CDH13: variants seen among roughly 807,000 people sequenced by gnomAD.
CDH13 encodes the protein cadherin 13.
A neutral mutation model predicts 63.8 loss-of-function variants in CDH13; 24 were observed. The ratio of observed to expected loss-of-function variants is 0.38; its 90% confidence interval spans 0.27 to 0.53. CDH13 has a LOEUF of 0.53. Ranked by LOEUF, CDH13 falls within the 20% of genes least tolerant of loss-of-function variation. CDH13 has a pLI of 0.85. For missense variants in CDH13, 1,049 were observed against 903.1 expected, an observed-to-expected ratio of 1.16 and a Z score of -2.07; for synonymous variants, 503 against 355.3, an observed-to-expected ratio of 1.42 and a Z score of -4.67.
intron 4 of CDH13, among the ~76,000 whole-genome samples, chr16:83,189,113 T>A (rs2038617031): frequency 6.6e-6 from 1 of 152,182 alleles, no homozygotes; most frequent in Admixed American, 6.5e-5. Context: ...ACAAAGTACA[T>A]TGATTTTTTG....
At chr16:82,741,054 T>C (rs1328718570) in intron 1 of CDH13, among the ~76,000 whole-genome samples, 2 of 152,144 alleles carry the variant, frequency 1.3e-5, no homozygotes, top group South Asian at 2.1e-4. Context: ...GTATACATAC[T>C]CTCTCACTCT....
At chr16:83,548,721 G>A (rs12448907) in intron 7 of CDH13, among the ~76,000 whole-genome samples, 16,663 of 151,894 alleles carry the variant, frequency 0.11, 1,440 homozygotes, top group African/African-American at 0.25. Context: ...CCCCCACAAG[G>A]CAGCCTTTTT....
At chr16:83,341,353 T>C (rs369941688) in intron 5 of CDH13, among the ~76,000 whole-genome samples, 1 of 152,230 alleles carries the variant, frequency 6.6e-6, no homozygotes, top group African/African-American at 2.4e-5. Flanking sequence ...AAGTTTGGCA[T>C]TTGCTAACTG....
intron 1 of CDH13, among the ~76,000 whole-genome samples, chr16:82,845,475 T>C (rs2039216979): frequency 6.6e-6 from 1 of 152,180 alleles, no homozygotes; most frequent in Non-Finnish European, 1.5e-5. Context: ...AGATCAGAGG[T>C]TGGCTGAGGT....
At chr16:83,060,840 C>G (rs1056623023) in intron 3 of CDH13, among the ~76,000 whole-genome samples, 1 of 152,172 alleles carries the variant, frequency 6.6e-6, no homozygotes, top group Admixed American at 6.5e-5. Context: ...TGTTGCCTTC[C>G]ACTGCCTTCC....
At chr16:83,538,298 C>G (rs1193484349) in intron 7 of CDH13, among the ~76,000 whole-genome samples, 1 of 152,156 alleles carries the variant, frequency 6.6e-6, no homozygotes, top group Non-Finnish European at 1.5e-5. Flanking sequence ...TTTTGGTTTA[C>G]ACCGTTTCCC....
At chr16:82,732,565 G>A (rs1216816009) in intron 1 of CDH13, among the ~76,000 whole-genome samples, 1 of 152,190 alleles carries the variant, frequency 6.6e-6, no homozygotes, top group Non-Finnish European at 1.5e-5. Context: ...TGGAATGAGG[G>A]TTGTTTAAAA....
At chr16:82,632,245 T>C (rs1908101781) in intron 1 of CDH13, among the ~76,000 whole-genome samples, 1 of 152,112 alleles carries the variant, frequency 6.6e-6, no homozygotes, top group Non-Finnish European at 1.5e-5. Flanking sequence ...GCTTTTTGAG[T>C]TTGGGACCTC....
chr16:83,014,267 A>T (rs191645790), intron 2 of CDH13, among the ~76,000 whole-genome samples: 1 of 148,656 alleles, frequency 6.7e-6, no homozygotes, highest in Non-Finnish European at 1.5e-5. Context: ...AAAAATAAAC[A>T]TTGTATTATC....
chr16:83,147,881 A>G (rs972105782), intron 4 of CDH13, among the ~76,000 whole-genome samples: 4 of 152,038 alleles, frequency 2.6e-5, no homozygotes, highest in Admixed American at 1.3e-4. Context: ...TACAAATTCA[A>G]TGGAATTAGT....
intron 1 of CDH13, among the ~76,000 whole-genome samples, chr16:82,739,562 C>T (rs1434616726): frequency 6.6e-6 from 1 of 152,122 alleles, no homozygotes; most frequent in African/African-American, 2.4e-5. Context: ...GAGGAGGATT[C>T]TGTTTATTTA....
At chr16:83,179,600 C>T (rs1019863181) in intron 4 of CDH13, among the ~76,000 whole-genome samples, 1 of 151,466 alleles carries the variant, frequency 6.6e-6, no homozygotes, top group Non-Finnish European at 1.5e-5. Context: ...TGCAGTGAGC[C>T]GAGATCACGC....
At chr16:82,915,220 G>T (rs997143222) in intron 2 of CDH13, among the ~76,000 whole-genome samples, 5 of 152,146 alleles carry the variant, frequency 3.3e-5, no homozygotes, top group Admixed American at 6.5e-5. Context: ...TCCTTTTTAT[G>T]GTCAATCAAG....
intron 1 of CDH13, among the ~76,000 whole-genome samples, chr16:82,662,856 A>AGAG (rs1280811323): frequency 6.6e-6 from 1 of 151,480 alleles, no homozygotes; most frequent in Non-Finnish European, 1.5e-5. Flanking sequence ...GTGAGGTGGT[A>AGAG]GAGGTGTGTG....
chr16:83,381,044 G>C (rs1282089139), intron 6 of CDH13, among the ~76,000 whole-genome samples: 1 of 151,812 alleles, frequency 6.6e-6, no homozygotes, highest in Non-Finnish European at 1.5e-5. Flanking sequence ...TGGTTTTATT[G>C]ATCTTAAAGT....
Position 82,952,195 on chromosome 16 carries a change from G to A in CDH13, c.158-79815G>A, listed in dbSNP as rs189064463. On this transcript the variant is annotated intron_variant, in intron 2 of 13. Coordinates refer to ENST00000567109, the MANE Select transcript of CDH13 (RefSeq NM_001257.5). ...ACTGGTCTCTTGTTAACAGGAGAAC[G>A]TGGGTGCTGCCCGAGAAGCGCATGG... Among the ~76,000 whole-genome samples the A allele has an allele frequency of 2.1e-3, 318 of 152,304 alleles. 1 individual carries two copies. Among genetic ancestry groups the A allele is most frequent in the Middle Eastern group, 0.017 (5 of 294 alleles).
At chr16:83,538,211 C>T (rs917523090) in intron 7 of CDH13, among the ~76,000 whole-genome samples, 1 of 152,188 alleles carries the variant, frequency 6.6e-6, no homozygotes, top group Non-Finnish European at 1.5e-5. Flanking sequence ...ACTTGGGAAG[C>T]TCTGCCTCTT....
At chr16:83,366,815 A>G (rs989290516) in intron 6 of CDH13, among the ~76,000 whole-genome samples, 3 of 152,180 alleles carry the variant, frequency 2.0e-5, no homozygotes, top group African/African-American at 7.2e-5. Flanking sequence ...GGTGGTTGAC[A>G]CTTAGGAACT....
At chr16:83,120,788 G>A (rs1365191555) in intron 3 of CDH13, among the ~76,000 whole-genome samples, 2 of 72,846 alleles carry the variant, frequency 2.7e-5, no homozygotes, top group Non-Finnish European at 4.4e-5. Flanking sequence ...TTCTGAGATG[G>A]AGTCTCACCG....
Sources: gnomAD v4.1 joint callset for allele counts (sites outside exome capture counted in the v4.1 genomes callset) on GRCh38, gnomAD v4.1.1 for gene constraint, MANE v1.5 for transcripts, NCBI Gene and HGNC (gene_info 2026-07-23, HGNC 2026-07-21) for gene names.